Variants in DOK5 observed in about 807,000 individuals in gnomAD.
DOK5 encodes downstream of tyrosine kinase 5.
Under a neutral mutation model 43.3 loss-of-function variants are expected in DOK5, and 27 were observed. The observed-to-expected ratio is 0.62, with a 90% CI of 0.46 to 0.86. DOK5 has a LOEUF of 0.86. Ranked by LOEUF, DOK5 falls within the 40% of genes least tolerant of loss-of-function variation. The pLI is 0.00. For synonymous variants in DOK5, 146 were observed against 140.1 expected, an observed-to-expected ratio of 1.04 and a Z score of -0.30; for missense variants, 373 against 392.9, an observed-to-expected ratio of 0.95 and a Z score of 0.43.
At chr20:54,588,655 C>A (rs762433171) in intron 3 of DOK5, 32 bp from the exon 4 acceptor site, 20 of 1,613,992 alleles carry the variant, frequency 1.2e-5, no homozygotes, top group Non-Finnish European at 1.6e-5. Flanking sequence ...GGATGCTGGG[C>A]ACACAGTTTA....
intron 1 of DOK5, among the ~76,000 whole-genome samples, chr20:54,538,159 TGTC>T (rs1167805075): frequency 1.3e-5 from 2 of 151,872 alleles, no homozygotes. Context: ...TCTTGAGTAA[TGTC>T]GTTTCATTAT....
intron 6 of DOK5, among the ~76,000 whole-genome samples, chr20:54,631,849 G>A (rs1163179763): frequency 6.6e-6 from 1 of 152,178 alleles, no homozygotes; most frequent in Non-Finnish European, 1.5e-5. Context: ...GCACGTGCCT[G>A]TAGTCCCAGC....
intron 1 of DOK5, among the ~76,000 whole-genome samples, chr20:54,492,418 T>C (rs1319626172): frequency 6.6e-6 from 1 of 152,224 alleles, no homozygotes; most frequent in Non-Finnish European, 1.5e-5. Context: ...TATTCATTTT[T>C]TTCTATGTCA....
At chr20:54,588,378 C>T in intron 2 of DOK5, 105 bp from the exon 3 acceptor site, 1 of 859,830 alleles carries the variant, frequency 1.2e-6, no homozygotes, top group African/African-American at 1.7e-5. Context: ...ACAGGTTGTG[C>T]TCAGCTGTGC....
chr20:54,628,388 G>C (rs1310843099), intron 6 of DOK5, among the ~76,000 whole-genome samples: 5 of 114,178 alleles, frequency 4.4e-5, no homozygotes, highest in Non-Finnish European at 6.5e-5. Flanking sequence ...CAGCCTGGGC[G>C]ACAGAGCGAG....
intron 1 of DOK5, among the ~76,000 whole-genome samples, chr20:54,549,157 G>A (rs916114418): frequency 6.6e-5 from 10 of 152,184 alleles, no homozygotes; most frequent in African/African-American, 2.4e-4. Flanking sequence ...ATATTTATGG[G>A]ATTGACTTGC....
chr20:54,548,794 A>G (rs1029336878), intron 1 of DOK5, among the ~76,000 whole-genome samples: 1 of 152,220 alleles, frequency 6.6e-6, no homozygotes, highest in Non-Finnish European at 1.5e-5. Context: ...TGTTAACCCA[A>G]GTAGTTCCCA....
intron 7 of DOK5, among the ~76,000 whole-genome samples, chr20:54,648,308 C>A (rs1979535461): frequency 6.6e-6 from 1 of 152,004 alleles, no homozygotes; most frequent in Non-Finnish European, 1.5e-5. Flanking sequence ...CCTCTCGGAG[C>A]TTATAATCTA....
chr20:54,559,832 A>G lies in DOK5; in HGVS notation c.174+4792A>G, dbSNP rs115197201. On this transcript the variant is annotated intron_variant, in intron 2 of 7. Coordinates refer to ENST00000262593, the MANE Select transcript of DOK5 (RefSeq NM_018431.5). The stretch of plus-strand genomic sequence containing the variant: ...TAAACAACTAGGGATGATCGTTTCT[A>G]CTTTATCTAAATCAGGGTTAATGTG... 4.2e-3 allele frequency among the ~76,000 whole-genome samples: 639 copies of G among 152,338 alleles called. 1 individual carries two copies. Among genetic ancestry groups the G allele is most frequent in the African/African-American group, 0.015 (619 of 41,578 alleles).
intron 1 of DOK5, among the ~76,000 whole-genome samples, chr20:54,482,993 C>G (rs941086367): frequency 6.6e-6 from 1 of 152,168 alleles, no homozygotes; most frequent in African/African-American, 2.4e-5. Context: ...TGGGACGACT[C>G]AGTTATTTTG....
intron 1 of DOK5, among the ~76,000 whole-genome samples, chr20:54,515,621 A>G (rs530985156): frequency 3.3e-5 from 5 of 152,326 alleles, no homozygotes; most frequent in African/African-American, 1.2e-4. Context: ...AACAGGGAAC[A>G]TCCTACCAAT....
At chr20:54,596,164 G>A (rs1007608181) in intron 5 of DOK5, among the ~76,000 whole-genome samples, 14 of 152,068 alleles carry the variant, frequency 9.2e-5, no homozygotes, top group South Asian at 8.3e-4. Flanking sequence ...AAGATCATTC[G>A]TGTTCCACAC....
chr20:54,544,514 A>G (rs933403626), intron 1 of DOK5, among the ~76,000 whole-genome samples: 2 of 152,224 alleles, frequency 1.3e-5, no homozygotes, highest in Non-Finnish European at 2.9e-5. Flanking sequence ...TGACTGCTCA[A>G]TGGGTTCATT....
chr20:54,584,259 T>C (rs1985729126), intron 2 of DOK5, among the ~76,000 whole-genome samples: 1 of 152,028 alleles, frequency 6.6e-6, no homozygotes, highest in South Asian at 2.1e-4. Flanking sequence ...TCTTTTTCTC[T>C]TGCTGTCGTA....
chr20:54,536,445 CT>C (rs1186182290), intron 1 of DOK5, among the ~76,000 whole-genome samples: 3 of 152,152 alleles, frequency 2.0e-5, no homozygotes. Flanking sequence ...GTAGGTGTGC[CT>C]TTTCTTACTC....
intron 5 of DOK5, among the ~76,000 whole-genome samples, chr20:54,596,126 T>C (rs1986132944): frequency 6.6e-6 from 1 of 152,250 alleles, no homozygotes; most frequent in African/African-American, 2.4e-5. Flanking sequence ...TAAATTTTTA[T>C]ACTTACCATC....
At chr20:54,634,909 A>G (rs1277591567) in intron 6 of DOK5, among the ~76,000 whole-genome samples, 1 of 152,078 alleles carries the variant, frequency 6.6e-6, no homozygotes. Flanking sequence ...AAACATTTTC[A>G]TCACCCTAAG....
rs751913418 is a variant in DOK5 at position 54,588,567 on chromosome 20, G to A, written c.259G>A (p.Asp87Asn). ...TGCCATAGGGATTTATTTCAATGAC[G>A]ATACCTCCAAGACTTTTGCTTGCGA... ...KHAIGIYFNDDTSKTFACESD... is the reference protein window; with the variant it reads ...KHAIGIYFNDNTSKTFACESD... The change falls in exon 3 of 8, where the codon GAT (aspartate) becomes AAT (asparagine). Residue 87 changes from aspartate (D) to asparagine (N), a missense_variant. Coordinates refer to ENST00000262593, the MANE Select transcript of DOK5 (RefSeq NM_018431.5). 4.3e-6 allele frequency: 7 copies of A among 1,614,030 alleles called. No individual in the cohort carries two copies. The African/African-American group carries it at 6.7e-5, about 15-fold the overall frequency.
At chr20:54,568,558 T>A (rs1454443522) in intron 2 of DOK5, among the ~76,000 whole-genome samples, 12 of 152,212 alleles carry the variant, frequency 7.9e-5, no homozygotes, top group Non-Finnish European at 1.8e-4. Context: ...TCGGTTTACA[T>A]TTTTTTGCAG....
Sources: allele counts gnomAD v4.1 joint callset (sites outside exome capture counted in the v4.1 genomes callset), GRCh38; gene constraint gnomAD v4.1.1; transcripts MANE v1.5; gene names NCBI Gene and HGNC (gene_info 2026-07-23, HGNC 2026-07-21).